KANSL1L: variants seen among roughly 807,000 people sequenced by gnomAD.
KANSL1L encodes KAT8 regulatory NSL complex subunit 1 like, also known as KAT8 regulatory NSL complex subunit 1-like protein.
Under a neutral mutation model 108.6 loss-of-function variants are expected in KANSL1L, and 25 were observed. The ratio of observed to expected loss-of-function variants is 0.23; its 90% CI spans 0.17 to 0.32. The LOEUF is 0.32. KANSL1L is among the 10% of genes least tolerant of loss of function. The pLI, the probability that KANSL1L is intolerant of heterozygous loss-of-function variation, is 1.00. For synonymous variants in KANSL1L, 405 were observed against 395.1 expected (o/e 1.03, Z -0.30); for missense variants, 1,137 against 1,125.7 (o/e 1.01, Z -0.14).
At chr2:210,105,888 C>T (rs1049983118) in intron 3 of KANSL1L, among the ~76,000 whole-genome samples, 2 of 151,968 alleles carry the variant, frequency 1.3e-5, no homozygotes, top group African/African-American at 4.8e-5. Context: ...GTTCTTATTT[C>T]ATTTGGTATT....
chr2:210,115,539 C>T (rs1295743641), intron 3 of KANSL1L, among the ~76,000 whole-genome samples: 5 of 151,964 alleles, frequency 3.3e-5, no homozygotes, highest in Non-Finnish European at 1.5e-5. Context: ...AAGACATAAC[C>T]CACTGAGACG....
chr2:210,100,167 G>A (rs13009071), intron 4 of KANSL1L, among the ~76,000 whole-genome samples: 13,203 of 152,018 alleles, frequency 0.087, 610 homozygotes, highest in Middle Eastern at 0.14. Context: ...TCATAGCAGC[G>A]CGAACCATAC....
At chr2:210,084,337 G>A (rs1240507710) in intron 5 of KANSL1L, among the ~76,000 whole-genome samples, 1 of 151,972 alleles carries the variant, frequency 6.6e-6, no homozygotes, top group Non-Finnish European at 1.5e-5. Flanking sequence ...CAGGAAAATC[G>A]CTTGAACCCA....
At chr2:210,146,562 G>C (rs538776456) in intron 2 of KANSL1L, among the ~76,000 whole-genome samples, 1 of 152,300 alleles carries the variant, frequency 6.6e-6, no homozygotes, top group East Asian at 1.9e-4. Flanking sequence ...TTTAAATAAA[G>C]GTTATGTAGA....
intron 2 of KANSL1L, among the ~76,000 whole-genome samples, chr2:210,139,988 C>T (rs2095213636): frequency 6.6e-6 from 1 of 151,104 alleles, no homozygotes; most frequent in South Asian, 2.1e-4. Context: ...AGCGATCCAC[C>T]GGGCTACACC....
intron 2 of KANSL1L, among the ~76,000 whole-genome samples, chr2:210,150,304 G>A (rs1186456524): frequency 6.6e-6 from 1 of 151,766 alleles, no homozygotes; most frequent in African/African-American, 2.4e-5. Flanking sequence ...TGGCAGAGTT[G>A]GTGAAAAATA....
chr2:210,086,137 GCATGTCA>G (rs1192849853), intron 5 of KANSL1L, among the ~76,000 whole-genome samples: 1 of 151,822 alleles, frequency 6.6e-6, no homozygotes, highest in Admixed American at 6.6e-5. Flanking sequence ...AAGGATAGTT[GCATGTCA>G]CATGAGATAA....
chr2:210,042,765 T>C (rs2094179734), intron 7 of KANSL1L, among the ~76,000 whole-genome samples: 1 of 152,192 alleles, frequency 6.6e-6, no homozygotes, highest in Admixed American at 6.5e-5. Flanking sequence ...TATTAAGGTT[T>C]CCTCAAATAT....
At chr2:210,074,770 T>C (rs1018242855) in intron 6 of KANSL1L, among the ~76,000 whole-genome samples, 1 of 152,220 alleles carries the variant, frequency 6.6e-6, no homozygotes, top group African/African-American at 2.4e-5. Flanking sequence ...TTTATTTTAA[T>C]AAACATATTT....
intron 3 of KANSL1L, among the ~76,000 whole-genome samples, chr2:210,112,354 A>C (rs2094914902): frequency 6.6e-6 from 1 of 152,240 alleles, no homozygotes. Flanking sequence ...TCTTAAAGGT[A>C]CCAGATAGAA....
chr2:210,082,700 T>G (rs902340751), intron 5 of KANSL1L, among the ~76,000 whole-genome samples: 1 of 152,238 alleles, frequency 6.6e-6, no homozygotes, highest in Non-Finnish European at 1.5e-5. Flanking sequence ...AAATAGGGAC[T>G]TATTCAACAT....
chr2:210,090,190 G>C (rs1287589429), intron 5 of KANSL1L, among the ~76,000 whole-genome samples: 1 of 151,958 alleles, frequency 6.6e-6, no homozygotes, highest in African/African-American at 2.4e-5. Context: ...GTTTTGTTCT[G>C]AGTTTTTATA....
At chr2:210,036,091 T>G (rs1244999984) in intron 8 of KANSL1L, among the ~76,000 whole-genome samples, 2 of 152,218 alleles carry the variant, frequency 1.3e-5, no homozygotes, top group Non-Finnish European at 2.9e-5. Context: ...TCACCAACTT[T>G]CTGGAGTTCC....
chr2:210,104,024 T>C (rs1048491838), intron 4 of KANSL1L, 80 bp downstream of exon 4: 31 of 1,086,856 alleles, frequency 2.9e-5, no homozygotes, highest in South Asian at 2.8e-4. Flanking sequence ...AAGATACACA[T>C]ATAATGATGT....
chr2:210,088,282 G>A (rs1345146154), intron 5 of KANSL1L: 1 of 152,372 alleles, frequency 6.6e-6, no homozygotes, highest in Non-Finnish European at 1.5e-5. Context: ...CTGAAGGCAA[G>A]AAGGCTGACA....
chr2:210,049,522 G>C (rs889226593), intron 6 of KANSL1L, among the ~76,000 whole-genome samples: 3 of 152,012 alleles, frequency 2.0e-5, no homozygotes, highest in Non-Finnish European at 4.4e-5. Context: ...ATTGTTTCAG[G>C]GAGGCTGAGG....
intron 5 of KANSL1L, among the ~76,000 whole-genome samples, chr2:210,081,661 A>G (rs2094590687): frequency 6.6e-6 from 1 of 152,232 alleles, no homozygotes; most frequent in Admixed American, 6.5e-5. Context: ...TATAGCAGAT[A>G]CACCATGATT....
chr2:210,163,522 T>C (rs2095372075), intron 1 of KANSL1L, among the ~76,000 whole-genome samples: 2 of 151,944 alleles, frequency 1.3e-5, no homozygotes, highest in African/African-American at 2.4e-5. Context: ...CCAAGAACTG[T>C]GGGACAATTA....
At chr2:210,037,943 G>A (rs1009264679) in intron 8 of KANSL1L, among the ~76,000 whole-genome samples, 47 of 151,950 alleles carry the variant, frequency 3.1e-4, no homozygotes, top group African/African-American at 1.1e-3. Context: ...TCCATACATT[G>A]CATTTGATTG....
Sources: allele counts gnomAD v4.1 joint callset (sites outside exome capture counted in the v4.1 genomes callset), GRCh38; gene constraint gnomAD v4.1.1; transcripts MANE v1.5; gene names NCBI Gene and HGNC (gene_info 2026-07-23, HGNC 2026-07-21).